Variants in ZNF486 observed in about 807,000 individuals in gnomAD.
ZNF486 encodes the protein zinc finger protein 486.
A neutral mutation model predicts 12.8 loss-of-function variants in ZNF486; 12 were observed. The ratio of observed to expected loss-of-function variants is 0.94; its 90% CI spans 0.60 to 1.52. The LOEUF (loss-of-function observed/expected upper bound fraction) is 1.52, where lower values mean the gene tolerates loss of function less well. Ranked by LOEUF, ZNF486 falls within the 40% of genes most tolerant of loss-of-function variation. The pLI, the probability that ZNF486 is intolerant of heterozygous loss-of-function variation, is 0.00. For synonymous variants in ZNF486, 231 were observed against 184.9 expected (o/e 1.25, Z -2.02); for missense variants, 738 against 545.0 (o/e 1.35, Z -3.53).
intron 1 of ZNF486, among the ~76,000 whole-genome samples, chr19:20,181,682 G>C (rs1009130017): frequency 1.1e-4 from 17 of 151,898 alleles, no homozygotes; most frequent in Middle Eastern, 3.2e-3. Context: ...TGCTCCACAA[G>C]TCACAGAAAA....
chr19:20,190,118 G>A (rs1396570154), intron 3 of ZNF486, among the ~76,000 whole-genome samples: 1 of 151,860 alleles, frequency 6.6e-6, no homozygotes, highest in Non-Finnish European at 1.5e-5. Context: ...TATATAGAAG[G>A]GTTCATTTCT....
chr19:20,185,856 A>G, intron 2 of ZNF486, 131 bp from the exon 3 acceptor site: 1 of 493,086 alleles, frequency 2.0e-6, no homozygotes, highest in Non-Finnish European at 3.3e-6. Flanking sequence ...ATATTTAGAA[A>G]TTTGTTATGA....
At chr19:20,184,525 G>C in intron 2 of ZNF486, 43 bp downstream of exon 2, 1 of 1,529,538 alleles carries the variant, frequency 6.5e-7, no homozygotes, top group South Asian at 1.3e-5. Flanking sequence ...AACCCCAAAA[G>C]TTTTATTTCT....
At chr19:20,170,004 C>T (rs1292309011) in intron 1 of ZNF486, among the ~76,000 whole-genome samples, 2 of 151,108 alleles carry the variant, frequency 1.3e-5, no homozygotes, top group African/African-American at 4.9e-5. Context: ...CATTCTCCTG[C>T]CTCAGCCTCC....
At chr19:20,172,678 C>G (rs541028623) in intron 1 of ZNF486, among the ~76,000 whole-genome samples, 2 of 146,348 alleles carry the variant, frequency 1.4e-5, no homozygotes, top group Middle Eastern at 3.4e-3. Context: ...GAGATGGAGT[C>G]GCTTAGACTG....
chr19:20,169,686 A>C (rs1279197456), intron 1 of ZNF486, among the ~76,000 whole-genome samples: 3 of 152,110 alleles, frequency 2.0e-5, no homozygotes, highest in Admixed American at 2.0e-4. Context: ...AACAGGAGAA[A>C]GTACCAACTA....
intron 2 of ZNF486, among the ~76,000 whole-genome samples, chr19:20,185,415 T>G (rs1263739643): frequency 4.3e-5 from 6 of 138,464 alleles, no homozygotes; most frequent in Non-Finnish European, 7.8e-5. Flanking sequence ...TTTTTTTTTT[T>G]TTTTTTTTTT....
At chr19:20,172,120 C>G (rs560668065) in intron 1 of ZNF486, among the ~76,000 whole-genome samples, 4 of 152,104 alleles carry the variant, frequency 2.6e-5, no homozygotes, top group Admixed American at 1.3e-4. Context: ...TCTCCTGCCT[C>G]AGCCTCCCAA....
chr19:20,176,333 C>T (rs1033137557), intron 1 of ZNF486: 15 of 149,942 alleles, frequency 1.0e-4, no homozygotes, highest in African/African-American at 1.1e-4. Context: ...ACCCTCCTCA[C>T]TTTCAGACTG....
intron 1 of ZNF486, among the ~76,000 whole-genome samples, chr19:20,181,515 G>C (rs1330873741): frequency 6.7e-6 from 1 of 150,060 alleles, no homozygotes; most frequent in Non-Finnish European, 1.5e-5. Flanking sequence ...CTCCAGCCTG[G>C]GTGGCAGCGA....
Position 20,184,620 on chromosome 19 carries a change from T to A in ZNF486, c.157+138T>A, listed in dbSNP as rs75043327. The A allele has an allele frequency of 1.8e-3, 1,841 of 1,021,002 alleles. 48 individuals are homozygous for A. In the East Asian group the frequency reaches 0.049, roughly 27 times the overall value. The allele number at this position is 1,021,002 out of a possible 1,614,324, so 63.2% of individuals were successfully genotyped here. ...TTTTCCAGAAAATCTTCAGAATTTG[T>A]TTATTTAGAAAAGAATTTCTTCAAG... is the stretch of plus-strand genomic sequence containing the variant. On this transcript the variant is annotated intron_variant, in intron 2 of 3. Coordinates refer to ENST00000335117, the MANE Select transcript of ZNF486 (RefSeq NM_052852.4).
At chr19:20,174,596 C>T (rs1288087986) in intron 1 of ZNF486, among the ~76,000 whole-genome samples, 1 of 152,028 alleles carries the variant, frequency 6.6e-6, no homozygotes, top group African/African-American at 2.4e-5. Flanking sequence ...ACCATGTTCG[C>T]CAGTTTGATC....
chr19:20,183,306 T>G (rs2089806321), intron 1 of ZNF486, among the ~76,000 whole-genome samples: 1 of 152,244 alleles, frequency 6.6e-6, no homozygotes, highest in South Asian at 2.1e-4. Context: ...TTCATCTGTA[T>G]GTTCCATTAG....
intron 1 of ZNF486, chr19:20,176,500 C>T (rs1370582324): frequency 3.7e-5 from 8 of 214,398 alleles, no homozygotes; most frequent in Non-Finnish European, 6.5e-5. Flanking sequence ...TTGTAGCCAG[C>T]TGAGATCACG....
chr19:20,186,012 G>C lies in ZNF486; in HGVS notation c.183G>C (p.Leu61=). The C allele has an allele frequency of 6.3e-7, 1 of 1,585,854 alleles. No homozygotes were observed. The highest frequency in any genetic ancestry group is 8.6e-7 in the Non-Finnish European group (1 of 1,168,426). ...GTATTATTGTCTCTAAGCCAGACCTGATCACCTGTCTGGAGCAAGGAATAA... is the reference window on the plus strand; with the variant it reads ...GTATTATTGTCTCTAAGCCAGACCTCATCACCTGTCTGGAGCAAGGAATAA... ...FLGIIVSKPD[L]ITCLEQGIKP... The change falls in exon 3 of 4, where the codon CTG becomes CTC. Residue 61 remains leucine, a synonymous_variant. Transcript: ENST00000335117.
rs1416365129 is a variant in ZNF486, at chr19:20,197,126, A to G, written c.416A>G (p.Tyr139Cys). The part of the protein sequence containing the change: ...VDECKLHKRG[Y>C]NGLNQCLTTT... ...GAGTGTAAGTTACACAAAAGAGGTT[A>G]TAATGGACTTAACCAATGTTTGACA... is the stretch of plus-strand genomic sequence containing the variant. Residue 139 changes from tyrosine (Y) to cysteine (C), a missense_variant, in exon 4 of 4, where the codon TAT becomes TGT. Coordinates refer to ENST00000335117, the MANE Select transcript of ZNF486 (RefSeq NM_052852.4). 1.2e-6 allele frequency: 2 copies of G among 1,613,878 alleles called. No individual in the cohort carries two copies. Among genetic ancestry groups the G allele is most frequent in the East Asian group, 2.2e-5 (1 of 44,872 alleles).
chr19:20,198,075 T>A lies in ZNF486; in HGVS notation c.1365T>A (p.Ile455=). The A allele has an allele frequency of 6.2e-7, 1 of 1,602,472 alleles. No individual in the cohort carries two copies. The highest frequency in any genetic ancestry group is 1.1e-5 in the South Asian group (1 of 89,756). The change falls in exon 4 of 4, where the codon ATT becomes ATA. Residue 455 remains isoleucine, a synonymous_variant. Coordinates refer to ENST00000335117, the MANE Select transcript of ZNF486 (RefSeq NM_052852.4). ...CAGACCTTAATAAACATAAGAGAAT[T>A]CATATTGGACAGAAACCAAGAACGT... ...WSSDLNKHKR[I]HIGQKPRT
At chr19:20,192,407 G>A (rs1309570844) in intron 3 of ZNF486, among the ~76,000 whole-genome samples, 2 of 151,950 alleles carry the variant, frequency 1.3e-5, no homozygotes, top group Non-Finnish European at 2.9e-5. Context: ...CCAAGTTCAA[G>A]TGATTCTTCT....
In ZNF486 at chr19:20,167,245, C is replaced by G; in HGVS notation, c.-86C>G. 1 of 1,563,624 alleles carries G rather than the reference C, an allele frequency of 6.4e-7. No homozygotes were observed. Among genetic ancestry groups the G allele is most frequent in the Non-Finnish European group, 8.8e-7 (1 of 1,134,442 alleles). On this transcript the variant is annotated 5_prime_UTR_variant, in exon 1 of 4. Transcript: ENST00000335117. ...CGCTGCATCTGGAGCTCTAGGTCGC[C>G]TCTTCGCTACTCTGTGTCCTCTGCT...
Sources: allele counts gnomAD v4.1 joint callset (sites outside exome capture counted in the v4.1 genomes callset), GRCh38; gene constraint gnomAD v4.1.1; transcripts MANE v1.5; gene names NCBI Gene and HGNC (gene_info 2026-07-23, HGNC 2026-07-21).